Variants in PCSK5 observed in about 807,000 individuals in gnomAD.
PCSK5 encodes proprotein convertase subtilisin/kexin type 5, also known as prohormone convertase 5.
Under a neutral mutation model 233.2 loss-of-function variants are expected in PCSK5, and 129 were observed. That is an observed-to-expected ratio of 0.55 (90% confidence interval 0.48 to 0.64). The LOEUF (loss-of-function observed/expected upper bound fraction) is 0.64, where lower values mean the gene tolerates loss of function less well. Among genes scored for constraint, PCSK5 ranks in the 30% least tolerant of loss-of-function variants. The pLI, the probability that PCSK5 is intolerant of heterozygous loss-of-function variation, is 0.00. For synonymous variants in PCSK5, 825 were observed against 879.2 expected, an observed-to-expected ratio of 0.94 and a Z score of 1.09; for missense variants, 2,076 against 2,430.1, an observed-to-expected ratio of 0.85 and a Z score of 3.06.
intron 20 of PCSK5, among the ~76,000 whole-genome samples, chr9:76,208,223 C>T (rs1157853840): frequency 1.3e-5 from 2 of 152,116 alleles, no homozygotes; most frequent in African/African-American, 4.8e-5. Flanking sequence ...GACATTCAAA[C>T]CGTAGCAGGT....
intron 5 of PCSK5, among the ~76,000 whole-genome samples, chr9:76,057,008 G>C (rs1829844354): frequency 6.6e-6 from 1 of 152,076 alleles, no homozygotes; most frequent in Admixed American, 6.6e-5. Flanking sequence ...TATTACATAA[G>C]AATTGACTAG....
intron 30 of PCSK5, among the ~76,000 whole-genome samples, chr9:76,320,191 A>C (rs1372380251): frequency 6.6e-6 from 1 of 151,996 alleles, no homozygotes; most frequent in African/African-American, 2.4e-5. Context: ...CGGGGAGAAC[A>C]CCTGCTAATA....
Position 76,121,903 on chromosome 9 carries a change from A to C in PCSK5, c.1209-12206A>C, listed in dbSNP as rs1364118019. ...CAGTGGCGGGATCTCGGCTCACTGC[A>C]AGCTCCGCCTCCCGGGTTCACGCCA... On this transcript the variant is annotated intron_variant, in intron 9 of 37. Transcript: ENST00000674117. Among the ~76,000 whole-genome samples the C allele has an allele frequency of 2.3e-4, 10 of 43,998 alleles. 2 individuals carry two copies. Among genetic ancestry groups the C allele is most frequent in the Non-Finnish European group, 5.9e-4 (10 of 17,084 alleles). The allele number at this position is 43,998 out of a possible 152,430, so 28.9% of individuals were successfully genotyped here.
At chr9:76,002,649 G>C (rs1220590726) in intron 3 of PCSK5, among the ~76,000 whole-genome samples, 1 of 152,178 alleles carries the variant, frequency 6.6e-6, no homozygotes, top group Non-Finnish European at 1.5e-5. Context: ...CATTTTTACA[G>C]CAAAACATTG....
In PCSK5 at chr9:76,332,616, T is replaced by C; in HGVS notation, c.4748+6T>C. ...CTGCTCCAGTGCAGGGAAGGGTAAG[T>C]GCTCAATACATTTTCCCCCATGTAA... is the stretch of plus-strand genomic sequence containing the variant. On this transcript the variant is annotated splice_donor_region_variant and intron_variant, in intron 34 of 37. Transcript: ENST00000674117. 1 of 1,558,370 alleles carries C rather than the reference T, an allele frequency of 6.4e-7. No homozygotes were observed.
chr9:76,192,067 CAAAAAAAAAAAA>C (rs5898457), intron 20 of PCSK5, among the ~76,000 whole-genome samples: 9 of 101,228 alleles, frequency 8.9e-5, no homozygotes, highest in Non-Finnish European at 1.5e-4. Context: ...AAGACTGTCT[CAAAAAAAAAAAA>C]AAAAAAAAGA....
At chr9:76,104,605 A>G (rs375854142) in intron 8 of PCSK5, among the ~76,000 whole-genome samples, 1 of 152,382 alleles carries the variant, frequency 6.6e-6, no homozygotes, top group East Asian at 1.9e-4. Flanking sequence ...CAAATGCAAG[A>G]TCATAAAATT....
At chr9:76,331,680 A>AG (rs141481423) in intron 33 of PCSK5, among the ~76,000 whole-genome samples, 3 of 151,734 alleles carry the variant, frequency 2.0e-5, no homozygotes, top group African/African-American at 4.8e-5. Flanking sequence ...AAAAAAAAAA[A>AG]AGAGAGATGC....
rs1225772057 is a variant in PCSK5, at chr9:76,321,572, T to C, written c.4035T>C (p.Ala1345=). 1 of 1,612,622 alleles carries C rather than the reference T, an allele frequency of 6.2e-7. No individual in the cohort carries two copies. The highest frequency in any genetic ancestry group is 1.7e-5 in the Admixed American group (1 of 60,014). ...CQENCPERHV[A]VKGVCKHCPE... The stretch of plus-strand genomic sequence containing the variant: ...AAAACTGCCCCGAGAGGCACGTGGC[T>C]GTGAAGGGGGTATGCAAGCATTGCC... Residue 1345 remains alanine, a synonymous_variant, in exon 31 of 38, where the codon GCT becomes GCC. Transcript: ENST00000674117.
intron 2 of PCSK5, among the ~76,000 whole-genome samples, chr9:75,965,870 A>G (rs1467675556): frequency 1.1e-4 from 17 of 152,214 alleles, no homozygotes. Context: ...CTTGGGAAGA[A>G]CAATATCCTA....
chr9:75,972,605 G>A (rs573521538), intron 2 of PCSK5, among the ~76,000 whole-genome samples: 9 of 152,164 alleles, frequency 5.9e-5, no homozygotes, highest in Admixed American at 1.3e-4. Context: ...TTCCCTTGTT[G>A]GCTATATTCC....
At chr9:76,320,815 GTTTTGT>G (rs2131458377) in intron 30 of PCSK5, among the ~76,000 whole-genome samples, 1 of 140,374 alleles carries the variant, frequency 7.1e-6, no homozygotes, top group Admixed American at 7.1e-5. Flanking sequence ...CTGGTTTTTG[GTTTTGT>G]TTTTTTTTTT....
At chr9:76,085,475 A>G (rs1354074530) in intron 7 of PCSK5, among the ~76,000 whole-genome samples, 1 of 152,278 alleles carries the variant, frequency 6.6e-6, no homozygotes, top group Non-Finnish European at 1.5e-5. Context: ...AAGATTGCAC[A>G]TATGAAGTAT....
chr9:75,997,053 T>C (rs1411594167), intron 3 of PCSK5, among the ~76,000 whole-genome samples: 1 of 152,208 alleles, frequency 6.6e-6, no homozygotes, highest in Non-Finnish European at 1.5e-5. Flanking sequence ...TCTGGCTTAC[T>C]GTAACCTATC....
intron 30 of PCSK5, among the ~76,000 whole-genome samples, chr9:76,319,808 G>C (rs571973160): frequency 1.7e-4 from 26 of 152,268 alleles, no homozygotes; most frequent in African/African-American, 5.8e-4. Flanking sequence ...CTGCACTCCT[G>C]GTTCCTCTTT....
At chr9:76,357,472 T>G (rs146801253) in intron 37 of PCSK5, among the ~76,000 whole-genome samples, 128 of 152,274 alleles carry the variant, frequency 8.4e-4, no homozygotes, top group African/African-American at 2.8e-3. Flanking sequence ...AGCCGAGCTA[T>G]TGTGCTACTG....
intron 6 of PCSK5, among the ~76,000 whole-genome samples, chr9:76,068,823 G>T (rs1374634887): frequency 6.6e-6 from 1 of 152,064 alleles, no homozygotes; most frequent in Non-Finnish European, 1.5e-5. Flanking sequence ...TTCCCTAGGG[G>T]TCTCCTAAGA....
intron 31 of PCSK5, among the ~76,000 whole-genome samples, chr9:76,322,241 C>G (rs766118040): frequency 6.6e-6 from 1 of 152,182 alleles, no homozygotes; most frequent in South Asian, 2.1e-4. Flanking sequence ...TGAGGCACCA[C>G]GCCCAGCTGT....
intron 12 of PCSK5, among the ~76,000 whole-genome samples, 158 bp from the exon 13 acceptor site, chr9:76,169,546 T>C (rs754227398): frequency 3.9e-5 from 6 of 152,066 alleles, no homozygotes; most frequent in Non-Finnish European, 8.8e-5. Flanking sequence ...TATATGTATA[T>C]ATATATATCT....
Sources: allele counts gnomAD v4.1 joint callset (sites outside exome capture counted in the v4.1 genomes callset), GRCh38; gene constraint gnomAD v4.1.1; transcripts MANE v1.5; gene names NCBI Gene and HGNC (gene_info 2026-07-23, HGNC 2026-07-21).